RADIL: variants seen among roughly 807,000 people sequenced by gnomAD.
The protein encoded by RADIL is ras-associating and dilute domain-containing protein.
In RADIL, 99 loss-of-function variants were observed where a neutral mutation model predicts 97.6. The observed-to-expected ratio is 1.01, with a 90% CI of 0.86 to 1.20. RADIL has a LOEUF of 1.20. Ranked by LOEUF, RADIL falls within the 50% of genes most tolerant of loss-of-function variation. RADIL has a pLI of 0.00. For synonymous variants in RADIL, 803 were observed against 691.8 expected, an observed-to-expected ratio of 1.16 and a Z score of -2.52; for missense variants, 1,765 against 1,498.9, an observed-to-expected ratio of 1.18 and a Z score of -2.93.
At chr7:4,882,415 C>T (rs1026018727) in intron 1 of RADIL, among the ~76,000 whole-genome samples, 5 of 152,196 alleles carry the variant, frequency 3.3e-5, no homozygotes, top group Non-Finnish European at 5.9e-5. Context: ...GCTCGGACAG[C>T]GAGGGTGTGG....
intron 2 of RADIL, among the ~76,000 whole-genome samples, chr7:4,843,573 G>A (rs1024661778): frequency 2.0e-5 from 3 of 152,166 alleles, no homozygotes; most frequent in Non-Finnish European, 2.9e-5. Flanking sequence ...TGGCCAGCCT[G>A]ACTCTGGGCA....
intron 4 of RADIL, among the ~76,000 whole-genome samples, chr7:4,832,414 C>T (rs1030106665): frequency 6.6e-6 from 1 of 152,180 alleles, no homozygotes; most frequent in African/African-American, 2.4e-5. Context: ...TATCTCACAA[C>T]TCTCTAGCTT....
chr7:4,860,663 G>A, intron 2 of RADIL: 1 of 1,614,122 alleles, frequency 6.2e-7, no homozygotes, highest in Admixed American at 1.7e-5. Context: ...TTTTTCTGTT[G>A]ATGCACTTGC....
intron 2 of RADIL, among the ~76,000 whole-genome samples, chr7:4,846,007 C>T (rs1037942580): frequency 6.6e-6 from 1 of 152,194 alleles, no homozygotes; most frequent in Admixed American, 6.5e-5. Flanking sequence ...CAGTCCTGCT[C>T]ACCGCGTCCA....
At chr7:4,864,222 T>C (rs926089279) in intron 2 of RADIL, among the ~76,000 whole-genome samples, 2 of 152,214 alleles carry the variant, frequency 1.3e-5, no homozygotes, top group African/African-American at 4.8e-5. Flanking sequence ...CTTTGACCTA[T>C]GGTAGCTTCA....
rs992318884 is a variant in RADIL, at chr7:4,799,304, C to T, written c.*74G>A. ...AACTTGGTCAGTTACAAAACAGGGACGAAGGCGGGAGGAAGCCCAGTGTCA... is the reference window on the plus strand; with the variant it reads ...AACTTGGTCAGTTACAAAACAGGGATGAAGGCGGGAGGAAGCCCAGTGTCA... On this transcript the variant is annotated 3_prime_UTR_variant, in exon 15 of 15. Coordinates refer to ENST00000399583, the MANE Select transcript of RADIL (RefSeq NM_018059.5). The T allele has an allele frequency of 2.0e-5, 29 of 1,474,464 alleles. No individual in the cohort carries two copies. The highest frequency in any genetic ancestry group is 8.3e-5 in the African/African-American group (6 of 72,076). 91.3% of individuals were successfully genotyped at this position (1,474,464 alleles called of 1,614,324 possible).
intron 2 of RADIL, chr7:4,859,678 C>T: frequency 1.8e-6 from 1 of 551,908 alleles, no homozygotes; most frequent in Non-Finnish European, 3.2e-6. Flanking sequence ...ACCATTCAAC[C>T]TGTTTTACTG....
intron 12 of RADIL, 50 bp from the exon 13 acceptor site, chr7:4,800,360 G>C (rs140641888): frequency 2.1e-6 from 3 of 1,410,188 alleles, no homozygotes; most frequent in South Asian, 1.5e-5. Context: ...CAGGAATCAC[G>C]ACGAGGAATG....
rs1348795306 is a variant in RADIL at position 4,817,382 on chromosome 7, A to C, written c.1616-31T>G. ...GGGAGACAGCCACGCCAATGGTCAC[A>C]ACGGGCACAGCGCTCAGGAACGCAG... On this transcript the variant is annotated intron_variant, in intron 6 of 14. Coordinates refer to ENST00000399583, the MANE Select transcript of RADIL (RefSeq NM_018059.5). The surrounding 1 kb of genome is among the most constrained non-coding windows in gnomAD (Gnocchi z 8.3). The C allele has an allele frequency of 6.3e-7, 1 of 1,592,030 alleles. No individual in the cohort carries two copies. Among genetic ancestry groups the C allele is most frequent in the Non-Finnish European group, 8.6e-7 (1 of 1,165,946 alleles).
rs1782677497 is a variant in RADIL, at chr7:4,816,339, C to T, written c.1855G>A (p.Ala619Thr). ...TGCAGCTGCCGCAGGAGGTCCAGGG[C>T]TGCCTGGTACACAGACACCACGCGG... ...LRRVVSVYQAALDLLRQLQVH... is the reference protein window; with the variant it reads ...LRRVVSVYQATLDLLRQLQVH... The change falls in exon 8 of 15, where the codon GCC (alanine) becomes ACC (threonine). Residue 619 changes from alanine (A) to threonine (T), a missense_variant. By Grantham distance (58) the Ala-to-Thr change is moderately conservative (BLOSUM62 0). Transcript: ENST00000399583. 1.2e-6 allele frequency: 2 copies of T among 1,612,352 alleles called. No homozygotes were observed. The highest frequency in any genetic ancestry group is 2.7e-5 in the African/African-American group (2 of 75,056).
In RADIL at chr7:4,880,718, T is replaced by A. The variant is rs1241319564; in HGVS notation, c.-64-2515A>T. Among the ~76,000 whole-genome samples the A allele has an allele frequency of 2.0e-5, 3 of 152,332 alleles. No homozygotes were observed. In the East Asian group the frequency reaches 5.8e-4, roughly 29 times the overall value. ...GGTACAGCCTCTGCCACCAGGCAGC[T>A]GTGGCTCAGGAAACCTCTGCCTCCG... On this transcript the variant is annotated intron_variant, in intron 1 of 14. Coordinates refer to ENST00000399583, the MANE Select transcript of RADIL (RefSeq NM_018059.5). The surrounding 1 kb of genome is among the most constrained non-coding windows in gnomAD (Gnocchi z 4.5).
rs1017937951 is a variant in RADIL, at chr7:4,817,493, G to C, written c.1616-142C>G. On this transcript the variant is annotated intron_variant, in intron 6 of 14. Coordinates refer to ENST00000399583, the MANE Select transcript of RADIL (RefSeq NM_018059.5). This position sits in a 1 kb window ranked among gnomAD's most constrained non-coding sequence, Gnocchi z 8.3. ...GGTCCAGATGCGATAAACTGGCCGA[G>C]GGACTCTGGGCCCTGGCTGGGACGA... is the stretch of plus-strand genomic sequence containing the variant. 3.0e-6 allele frequency: 2 copies of C among 666,542 alleles called. No homozygotes were observed. The highest frequency in any genetic ancestry group is 1.9e-5 in the South Asian group (1 of 51,556). The allele number at this position is 666,542 out of a possible 1,614,324, so 41.3% of individuals were successfully genotyped here. A position where few individuals can be genotyped will look rare whatever the true frequency, so the allele number is the denominator to read the frequency against.
intron 5 of RADIL, among the ~76,000 whole-genome samples, chr7:4,827,484 A>G (rs1030913568): frequency 7.3e-5 from 11 of 150,830 alleles, no homozygotes; most frequent in Admixed American, 4.6e-4. Context: ...ACACAGTGAA[A>G]CCCCGTCTCT....
At chr7:4,865,458 T>C in intron 2 of RADIL, 1 of 758,996 alleles carries the variant, frequency 1.3e-6, no homozygotes, top group Admixed American at 1.8e-5. Flanking sequence ...CTCTTCTTTG[T>C]CCTGGTTAAT....
At chr7:4,850,227 A>AAC (rs1554263987) in intron 2 of RADIL, among the ~76,000 whole-genome samples, 12 of 150,742 alleles carry the variant, frequency 8.0e-5, no homozygotes, top group African/African-American at 2.7e-4. Context: ...AAAAAAAAAA[A>AAC]AAAAAAAAAA....
chr7:4,831,013 G>A (rs1783124287), intron 5 of RADIL, among the ~76,000 whole-genome samples: 1 of 146,206 alleles, frequency 6.8e-6, no homozygotes, highest in Non-Finnish European at 1.5e-5. Context: ...AGAGCGAGAT[G>A]CCGTTTCAAA....
chr7:4,811,921 C>T (rs1158631157), intron 9 of RADIL, among the ~76,000 whole-genome samples: 1 of 152,068 alleles, frequency 6.6e-6, no homozygotes, highest in Non-Finnish European at 1.5e-5. Flanking sequence ...GACGTCCAGG[C>T]TGGAGTGCAG....
chr7:4,862,438 C>T (rs553481501), intron 2 of RADIL, among the ~76,000 whole-genome samples: 160 of 152,320 alleles, frequency 1.1e-3, no homozygotes, highest in Non-Finnish European at 2.1e-3. Context: ...CATTTGTGTT[C>T]TGGCCATGCT....
chr7:4,807,778 C>T (rs1410868234), intron 9 of RADIL, among the ~76,000 whole-genome samples: 1 of 84,168 alleles, frequency 1.2e-5, no homozygotes, highest in Non-Finnish European at 2.5e-5. Context: ...TCTCTCTCCC[C>T]TTCCTCCTCC....
Sources: gnomAD v4.1 joint callset for allele counts (sites outside exome capture counted in the v4.1 genomes callset) on GRCh38, gnomAD v4.1.1 for gene constraint, Gnocchi (gnomAD v3.1) non-coding constraint, MANE v1.5 for transcripts, NCBI Gene and HGNC (gene_info 2026-07-23, HGNC 2026-07-21) for gene names.